BTBD19: variants seen among roughly 807,000 people sequenced by gnomAD.
BTBD19 encodes the protein BTB domain containing 19.
Under a neutral mutation model 36.1 loss-of-function variants are expected in BTBD19, and 20 were observed. That is an observed-to-expected ratio of 0.55 (90% CI 0.39 to 0.80). The LOEUF (loss-of-function observed/expected upper bound fraction) is 0.80, where lower values mean the gene tolerates loss of function less well. Among genes scored for constraint, BTBD19 ranks in the 30% least tolerant of loss-of-function variants. The probability of loss-of-function intolerance (pLI) is 0.00; values close to 1 mark genes in which losing one functional copy is unlikely to be tolerated. For synonymous variants in BTBD19, 157 were observed against 174.3 expected, an observed-to-expected ratio of 0.90 and a Z score of 0.78; for missense variants, 325 against 389.8, an observed-to-expected ratio of 0.83 and a Z score of 1.40.
chr1:44,811,632 G>A (rs1345978800), intron 3 of BTBD19: 4 of 232,322 alleles, frequency 1.7e-5, no homozygotes, highest in Non-Finnish European at 2.7e-5. Flanking sequence ...GAGAGGACTC[G>A]CTAGTCCAGT....
downstream of BTBD19, chr1:44,814,200 TTC>T (rs1244920964): frequency 5.7e-4 from 86 of 150,520 alleles, 1 homozygote; most frequent in Non-Finnish European, 7.8e-4. Flanking sequence ...CTTTCTTTCT[TTC>T]TTTCTTTCTT....
downstream of BTBD19, chr1:44,814,227 T>TTTCCTTCCTTCCTTCCTTCCTTCCTTCC (rs71587724): frequency 1.9e-5 from 2 of 107,168 alleles, no homozygotes; most frequent in African/African-American, 8.0e-5. Context: ...TTTCTTTCTC[T>TTTCCTTCCTTCCTTCCTTCCTTCCTTCC]TTCCTTCCTT....
chr1:44,813,345 G>C lies in BTBD19; in HGVS notation c.616-29G>C, dbSNP rs935919333. The C allele has an allele frequency of 1.3e-6, 2 of 1,542,736 alleles. No homozygotes were observed. The highest frequency in any genetic ancestry group is 3.9e-5 in the Admixed American group (2 of 50,968). The stretch of plus-strand genomic sequence containing the variant: ...AGACTGGTGAGCGGGCGGCAGGACA[G>C]GTGCCCGACTCAGGGCTGGCGTTTG... On this transcript the variant is annotated intron_variant, in intron 6 of 7. Transcript: ENST00000450269. This position sits in a 1 kb window ranked among gnomAD's most constrained non-coding sequence, Gnocchi z 7.8.
chr1:44,808,563 C>A, exon 1 of BTBD19: 1 of 350,716 alleles, frequency 2.9e-6, no homozygotes, highest in Non-Finnish European at 5.1e-6. Context: ...AGCCAGCCAG[C>A]TTCTTCCCAG....
chr1:44,813,305 G>T lies in BTBD19; in HGVS notation c.615+36G>T. The T allele has an allele frequency of 1.3e-6, 2 of 1,538,164 alleles. No homozygotes were observed. Among genetic ancestry groups the T allele is most frequent in the Non-Finnish European group, 1.7e-6 (2 of 1,145,378 alleles). On this transcript the variant is annotated intron_variant, in intron 6 of 7. Coordinates refer to ENST00000450269, the Ensembl canonical transcript of BTBD19. This position sits in a 1 kb window ranked among gnomAD's most constrained non-coding sequence, Gnocchi z 7.8. ...CTGGGGGAGCGCAAGGGCACGGAAG[G>T]AGGTGCTGGCCACGAGACTGGTGAG...
At chr1:44,808,882 G>C (rs1341779336) in exon 1 of BTBD19, 1 of 1,550,282 alleles carries the variant, frequency 6.5e-7, no homozygotes, top group Non-Finnish European at 8.7e-7. Context: ...GCACTCCGAA[G>C]CCTTGTCAAC....
intron 3 of BTBD19, 86 bp from the exon 4 acceptor site, chr1:44,811,953 C>A: frequency 8.8e-7 from 1 of 1,133,376 alleles, no homozygotes; most frequent in Non-Finnish European, 1.2e-6. Flanking sequence ...ACTCACCGCT[C>A]CAAGCCTGCT....
In BTBD19 at chr1:44,813,522, C is replaced by G; in HGVS notation, c.741+23C>G. 5 of 1,547,302 alleles carry G rather than the reference C, an allele frequency of 3.2e-6. No homozygotes were observed. Among genetic ancestry groups the G allele is most frequent in the Non-Finnish European group, 4.4e-6 (5 of 1,144,438 alleles). ...CCGGTGGGGACGCGGGGAACCGGCC[C>G]AGCTCCACTCAGCAGGGGGTACAGG... is the stretch of plus-strand genomic sequence containing the variant. On this transcript the variant is annotated intron_variant, in intron 7 of 7. Transcript: ENST00000450269. This position sits in a 1 kb window ranked among gnomAD's most constrained non-coding sequence, Gnocchi z 7.8.
exon 8 of BTBD19, chr1:44,814,040 C>A (rs1652570266): frequency 3.4e-6 from 2 of 589,852 alleles, no homozygotes. Context: ...TCGTTCCACA[C>A]CCTGACTCTA....
In BTBD19 at chr1:44,813,825, C is replaced by A; in HGVS notation, c.*53C>A. On this transcript the variant is annotated 3_prime_UTR_variant, in exon 8 of 8. Transcript: ENST00000450269. This position sits in a 1 kb window ranked among gnomAD's most constrained non-coding sequence, Gnocchi z 7.8. Reference sequence around the variant, plus strand: ...TCGACCCGCCCAGCTGAGCCTGCCCCAAACTACAGCTCCCGAAGTGCTCGG... The same window carrying A: ...TCGACCCGCCCAGCTGAGCCTGCCCAAAACTACAGCTCCCGAAGTGCTCGG... 1 of 1,548,436 alleles carries A rather than the reference C, an allele frequency of 6.5e-7. No homozygotes were observed. The highest frequency in any genetic ancestry group is 8.7e-7 in the Non-Finnish European group (1 of 1,144,732).
chr1:44,809,290 T>C (rs1652289301), intron 1 of BTBD19, among the ~76,000 whole-genome samples: 1 of 152,186 alleles, frequency 6.6e-6, no homozygotes, highest in African/African-American at 2.4e-5. Context: ...GAGGAACAGA[T>C]GACCTGTTCT....
intron 1 of BTBD19, among the ~76,000 whole-genome samples, chr1:44,809,112 G>T (rs757184828): frequency 6.6e-6 from 1 of 152,152 alleles, no homozygotes; most frequent in Non-Finnish European, 1.5e-5. Flanking sequence ...AAGGCTGGCG[G>T]GGTGGAGCTG....
chr1:44,815,151 C>A (rs1302493430), downstream of BTBD19: 1 of 152,260 alleles, frequency 6.6e-6, no homozygotes, highest in African/African-American at 2.4e-5. Flanking sequence ...CGTCTCACAG[C>A]CTTCCTGCCT....
In BTBD19 at chr1:44,810,642, C is replaced by CT. The variant is rs1557632054; in HGVS notation, c.354+37dup. On this transcript the variant is annotated intron_variant, in intron 3 of 7. Transcript: ENST00000450269. The surrounding 1 kb of genome is among the most constrained non-coding windows in gnomAD (Gnocchi z 4.2). Reference sequence around the variant, plus strand: ...TGTGCCAGGTCCCTGTCTCATTTCCCTTGCTTCTCACGGGCTCACTTCCCG... The same window carrying CT: ...TGTGCCAGGTCCCTGTCTCATTTCCCTTTGCTTCTCACGGGCTCACTTCCCG... 6.6e-7 allele frequency: 1 copy of CT among 1,510,366 alleles called. No homozygotes were observed. Among genetic ancestry groups the CT allele is most frequent in the African/African-American group, 1.4e-5 (1 of 72,384 alleles). 93.6% of individuals were successfully genotyped at this position (1,510,366 alleles called of 1,614,324 possible).
At chr1:44,814,553 CTTTT>C (rs71674935), downstream of BTBD19, 2 of 122,380 alleles carry the variant, frequency 1.6e-5, no homozygotes, top group African/African-American at 3.4e-5. Context: ...CCGCCTCGGC[CTTTT>C]TTTTTTTTTT....
rs550451758 is a variant in BTBD19 at position 44,812,646 on chromosome 1, G to A, written c.415-350G>A. ...CGGGAGGCAGAGGTTGCAGTGAGCCGAGATTGCGCCACTGCACACTCCAGC... is the reference window on the plus strand; with the variant it reads ...CGGGAGGCAGAGGTTGCAGTGAGCCAAGATTGCGCCACTGCACACTCCAGC... On this transcript the variant is annotated intron_variant, in intron 4 of 7. Transcript: ENST00000450269. 143 of 413,634 alleles carry A rather than the reference G, an allele frequency of 3.5e-4. 2 individuals are homozygous for A. The East Asian group carries it at 7.1e-3, about 21-fold the overall frequency. The allele number at this position is 413,634 out of a possible 1,614,324, so 25.6% of individuals were successfully genotyped here.
Position 44,810,547 on chromosome 1 carries a change from T to C in BTBD19, c.301-7T>C. On this transcript the variant is annotated splice_polypyrimidine_tract_variant and splice_region_variant and intron_variant, in intron 2 of 7. Coordinates refer to ENST00000450269, the Ensembl canonical transcript of BTBD19. The surrounding 1 kb of genome is among the most constrained non-coding windows in gnomAD (Gnocchi z 4.2). ...CCCTTCCACTCCCCCAACCACCCAC[T>C]CTACAGGTGCTGGAAGTGCTGACAG... 6.4e-7 allele frequency: 1 copy of C among 1,550,540 alleles called. No homozygotes were observed. Among genetic ancestry groups the C allele is most frequent in the African/African-American group, 1.4e-5 (1 of 73,150 alleles).
At chr1:44,814,586 T>A (rs1184585281), downstream of BTBD19, 6 of 122,168 alleles carry the variant, frequency 4.9e-5, no homozygotes, top group Non-Finnish European at 9.7e-5. Context: ...AGAGTCTTGC[T>A]CTGTCGTCGA....
At chr1:44,808,988 G>A in intron 1 of BTBD19, 82 bp downstream of exon 1, 3 of 1,224,272 alleles carry the variant, frequency 2.5e-6, no homozygotes, top group Non-Finnish European at 1.1e-6. Flanking sequence ...GGTGAGAAGA[G>A]GCTGGGAATT....
Sources: allele counts gnomAD v4.1 joint callset (sites outside exome capture counted in the v4.1 genomes callset), GRCh38; gene constraint gnomAD v4.1.1; non-coding constraint Gnocchi (gnomAD v3.1); transcripts MANE v1.5; gene names NCBI Gene and HGNC (gene_info 2026-07-23, HGNC 2026-07-21).